CCDC66: variants seen among roughly 807,000 people sequenced by gnomAD.
CCDC66 encodes the protein coiled-coil domain-containing protein 66.
In CCDC66, 133 loss-of-function variants were observed where a neutral mutation model predicts 128.3. That is an observed-to-expected ratio of 1.04 (90% confidence interval 0.90 to 1.20). The LOEUF (loss-of-function observed/expected upper bound fraction) is 1.20. Among genes scored for constraint, CCDC66 ranks in the 50% most tolerant of loss-of-function variants. CCDC66 has a pLI of 0.00. For missense variants in CCDC66, 1,126 were observed against 1,075.5 expected (o/e 1.05, Z -0.66); for synonymous variants, 387 against 357.0 (o/e 1.08, Z -0.95).
At chr3:56,604,188 T>G (rs981835313) in intron 10 of CCDC66, among the ~76,000 whole-genome samples, 29 of 152,076 alleles carry the variant, frequency 1.9e-4, no homozygotes, top group African/African-American at 7.0e-4. Context: ...GTGAGATGGG[T>G]CTCCTGAATA....
chr3:56,561,483 A>G (rs1028695569), intron 3 of CCDC66: 1 of 329,062 alleles, frequency 3.0e-6, no homozygotes, highest in Non-Finnish European at 5.8e-6. Flanking sequence ...TTTTTTTAAG[A>G]GTAACTACTG....
intron 10 of CCDC66, among the ~76,000 whole-genome samples, chr3:56,606,769 T>A (rs1241962328): frequency 2.0e-5 from 3 of 152,078 alleles, no homozygotes; most frequent in Admixed American, 6.5e-5. Context: ...ATTTTTATAG[T>A]TTCAGGTCTT....
Position 56,559,607 on chromosome 3 carries a change from A to G in CCDC66, c.102+13A>G. On this transcript the variant is annotated intron_variant, in intron 3 of 17. Transcript: ENST00000394672. ...AATTTCTGTGAAGGTAAGCCGTATAACTTTGACCTGACCTGTTTTCAAATG... is the reference window on the plus strand; with the variant it reads ...AATTTCTGTGAAGGTAAGCCGTATAGCTTTGACCTGACCTGTTTTCAAATG... 6.6e-7 allele frequency: 1 copy of G among 1,524,184 alleles called. No homozygotes were observed. Among genetic ancestry groups the G allele is most frequent in the Non-Finnish European group, 8.8e-7 (1 of 1,134,720 alleles). The allele number at this position is 1,524,184 out of a possible 1,614,324, so 94.4% of individuals were successfully genotyped here.
At chr3:56,585,495 A>G (rs947645767) in intron 7 of CCDC66, among the ~76,000 whole-genome samples, 1 of 151,856 alleles carries the variant, frequency 6.6e-6, no homozygotes, top group Non-Finnish European at 1.5e-5. Flanking sequence ...AACAGAAGTA[A>G]TAATATATCA....
intron 7 of CCDC66, among the ~76,000 whole-genome samples, chr3:56,580,428 C>A (rs150554902): frequency 1.6e-4 from 24 of 151,728 alleles, no homozygotes; most frequent in Admixed American, 6.6e-4. Context: ...TAATATTGTT[C>A]TGTGTGAATT....
chr3:56,617,865 C>A, intron 14 of CCDC66: 1 of 570,012 alleles, frequency 1.8e-6, no homozygotes, highest in Non-Finnish European at 3.1e-6. Context: ...GCCCACAAAG[C>A]TGAAAAGGTT....
chr3:56,607,047 TTATAG>T (rs1195932080), intron 10 of CCDC66, among the ~76,000 whole-genome samples: 2 of 152,190 alleles, frequency 1.3e-5, no homozygotes, highest in African/African-American at 2.4e-5. Flanking sequence ...GACTGCGGCC[TTATAG>T]TATAGTTTGA....
intron 7 of CCDC66, among the ~76,000 whole-genome samples, chr3:56,592,376 T>G (rs1467360926): frequency 6.6e-6 from 1 of 152,216 alleles, no homozygotes; most frequent in East Asian, 1.9e-4. Context: ...AAACAATATT[T>G]TTGAGACAGG....
intron 7 of CCDC66, among the ~76,000 whole-genome samples, chr3:56,578,370 T>C (rs900804989): frequency 7.9e-5 from 12 of 151,870 alleles, no homozygotes; most frequent in African/African-American, 1.2e-4. Flanking sequence ...ACAATTTGAC[T>C]TCCTCTTTTC....
Position 56,594,023 on chromosome 3 carries a change from CA to C in CCDC66, c.1400del (p.His467LeufsTer9). 6.2e-7 allele frequency: 1 copy of C among 1,612,776 alleles called. No individual in the cohort carries two copies. Among genetic ancestry groups the C allele is most frequent in the South Asian group, 1.1e-5 (1 of 91,062 alleles). ...RDRRRQKQLE[H>X]QKAITAQVEE... ...CAGACGACGACAAAAACAATTAGAG[CA>C]TCAGGTATTGCATTGTTAAACATTG... On this transcript the variant is annotated frameshift_variant, in exon 10 of 18. Coordinates refer to ENST00000394672, the MANE Select transcript of CCDC66 (RefSeq NM_001141947.3). LOFTEE classifies it high-confidence loss of function.
chr3:56,567,901 A>C (rs573019366), intron 6 of CCDC66, among the ~76,000 whole-genome samples: 14 of 152,092 alleles, frequency 9.2e-5, no homozygotes, highest in African/African-American at 3.4e-4. Context: ...TGTGTTAGCC[A>C]GGATGGTCTT....
chr3:56,580,209 T>A (rs1326540347), intron 7 of CCDC66, among the ~76,000 whole-genome samples: 5 of 151,876 alleles, frequency 3.3e-5, no homozygotes, highest in Non-Finnish European at 7.3e-5. Context: ...AAAGTCTGTT[T>A]TATCAGAGAC....
intron 10 of CCDC66, among the ~76,000 whole-genome samples, chr3:56,594,266 T>G (rs2071450398): frequency 6.6e-6 from 1 of 151,766 alleles, no homozygotes; most frequent in African/African-American, 2.4e-5. Flanking sequence ...GTTGTATATG[T>G]GAATTTGTGT....
chr3:56,591,265 T>G (rs1159275254), intron 7 of CCDC66, among the ~76,000 whole-genome samples: 1 of 152,260 alleles, frequency 6.6e-6, no homozygotes, highest in Admixed American at 6.5e-5. Flanking sequence ...TGAATATAGA[T>G]AAAACATTTT....
rs189005462 is a variant in CCDC66, at chr3:56,563,508, A to C, written c.103-176A>C. On this transcript the variant is annotated intron_variant, in intron 3 of 17. Coordinates refer to ENST00000394672, the MANE Select transcript of CCDC66 (RefSeq NM_001141947.3). Reference sequence around the variant, plus strand: ...ATAATAAAAGTTCCTGAAGTAAGATAATTTCTAGTTGTTGATGAAGATTTG... The same window carrying C: ...ATAATAAAAGTTCCTGAAGTAAGATCATTTCTAGTTGTTGATGAAGATTTG... 15 of 560,382 alleles carry C rather than the reference A, an allele frequency of 2.7e-5. No homozygotes were observed. In the Admixed American group the frequency reaches 5.1e-4, roughly 19 times the overall value. 34.7% of individuals were successfully genotyped at this position (560,382 alleles called of 1,614,324 possible).
intron 10 of CCDC66, among the ~76,000 whole-genome samples, chr3:56,606,911 C>G (rs1403747588): frequency 6.6e-6 from 1 of 150,902 alleles, no homozygotes; most frequent in Non-Finnish European, 1.5e-5. Flanking sequence ...CCTTTCCCCA[C>G]TTCATGTTTT....
At chr3:56,568,356 A>T (rs1577305735) in intron 6 of CCDC66, among the ~76,000 whole-genome samples, 1 of 152,308 alleles carries the variant, frequency 6.6e-6, no homozygotes, top group East Asian at 1.9e-4. Flanking sequence ...CAGGGTGCCA[A>T]AATGCACAGA....
chr3:56,617,409 C>T lies in CCDC66; in HGVS notation c.2141C>T (p.Pro714Leu), dbSNP rs2075653511. The change falls in exon 14 of 18, where the codon CCA becomes CTA. Residue 714 changes from proline (P) to leucine (L), a missense_variant. Transcript: ENST00000394672. Reference sequence around the variant, plus strand: ...AATAAGCCACCTAAAAGGTATATTCCAGCATCAGAAAAGTACCCTAAACAG... The same window carrying T: ...AATAAGCCACCTAAAAGGTATATTCTAGCATCAGAAAAGTACCCTAAACAG... ...NINKPPKRYI[P>L]ASEKYPKQLQ... 6.2e-7 allele frequency: 1 copy of T among 1,613,762 alleles called. No individual in the cohort carries two copies. Among genetic ancestry groups the T allele is most frequent in the Non-Finnish European group, 8.5e-7 (1 of 1,179,926 alleles).
intron 8 of CCDC66, 127 bp from the exon 9 acceptor site, chr3:56,593,364 C>G (rs879853026): frequency 9.5e-7 from 1 of 1,047,460 alleles, no homozygotes; most frequent in African/African-American, 1.6e-5. Context: ...ACAGTACAGT[C>G]TTGTTAATTT....
Sources: allele counts gnomAD v4.1 joint callset (sites outside exome capture counted in the v4.1 genomes callset), GRCh38; gene constraint gnomAD v4.1.1; transcripts MANE v1.5; gene names NCBI Gene and HGNC (gene_info 2026-07-23, HGNC 2026-07-21).